The following PXDNL variants were observed in gnomAD, a reference collection of about 807,000 sequenced individuals.
PXDNL encodes the protein peroxidasin like, also known as probable oxidoreductase PXDNL.
PXDNL carries 145 observed loss-of-function variants against 150.8 expected under a neutral mutation model. The observed-to-expected ratio is 0.96, with a 90% confidence interval of 0.84 to 1.10. PXDNL has a LOEUF of 1.10. Among genes scored for constraint, PXDNL ranks in the 50% least tolerant of loss-of-function variants. PXDNL has a pLI of 0.00. For missense variants in PXDNL, 2,087 were observed against 1,873.9 expected, an observed-to-expected ratio of 1.11 and a Z score of -2.10; for synonymous variants, 757 against 725.7, an observed-to-expected ratio of 1.04 and a Z score of -0.69.
chr8:51,516,090 C>A (rs977161063), intron 4 of PXDNL, among the ~76,000 whole-genome samples: 2 of 152,026 alleles, frequency 1.3e-5, no homozygotes, highest in Non-Finnish European at 2.9e-5. Flanking sequence ...GGATTTTTTT[C>A]TGTGTTTCTG....
chr8:51,411,437 C>T, intron 15 of PXDNL, 30 bp from the exon 16 acceptor site: 1 of 1,540,902 alleles, frequency 6.5e-7, no homozygotes, highest in South Asian at 1.3e-5. Context: ...TGATTCTTTA[C>T]AAGGCAAAAC....
At chr8:51,699,313 T>C (rs955415540) in intron 1 of PXDNL, among the ~76,000 whole-genome samples, 7 of 152,186 alleles carry the variant, frequency 4.6e-5, no homozygotes, top group African/African-American at 1.7e-4. Flanking sequence ...ACTTTTATGT[T>C]ATAGAGATGG....
At chr8:51,737,821 G>A (rs1231623031) in intron 1 of PXDNL, among the ~76,000 whole-genome samples, 1 of 150,716 alleles carries the variant, frequency 6.6e-6, no homozygotes. Context: ...CATTGCTCCT[G>A]CTGGCATGCT....
chr8:51,396,169 C>T (rs1021603082), intron 17 of PXDNL, among the ~76,000 whole-genome samples: 1 of 152,092 alleles, frequency 6.6e-6, no homozygotes, highest in East Asian at 1.9e-4. Context: ...ATGGGCTAGA[C>T]GGGGAATGGG....
chr8:51,476,150 G>T (rs372261055), intron 6 of PXDNL, among the ~76,000 whole-genome samples: 16 of 152,282 alleles, frequency 1.1e-4, no homozygotes, highest in African/African-American at 3.6e-4. Flanking sequence ...GTTCCAGTTT[G>T]CTTTGTTTAT....
intron 4 of PXDNL, among the ~76,000 whole-genome samples, chr8:51,553,786 T>C (rs1283241627): frequency 7.2e-6 from 1 of 139,816 alleles, no homozygotes; most frequent in African/African-American, 3.0e-5. Context: ...ACACTGAAAA[T>C]ATAAATCTCG....
intron 8 of PXDNL, among the ~76,000 whole-genome samples, chr8:51,460,690 C>G (rs569724439): frequency 6.6e-6 from 1 of 151,776 alleles, no homozygotes; most frequent in Non-Finnish European, 1.5e-5. Flanking sequence ...ACCACACCCC[C>G]ACAATGGACC....
intron 2 of PXDNL, among the ~76,000 whole-genome samples, chr8:51,642,077 AC>A (rs1814771995): frequency 6.6e-6 from 1 of 152,040 alleles, no homozygotes; most frequent in Admixed American, 6.6e-5. Flanking sequence ...GAAATTGGAA[AC>A]CATCATTCTC....
intron 2 of PXDNL, among the ~76,000 whole-genome samples, chr8:51,644,406 A>ATATGTATATATATACATATGTGTG (rs764867335): frequency 4.3e-5 from 1 of 23,346 alleles, no homozygotes; most frequent in African/African-American, 7.6e-5. Context: ...ATATATACAC[A>ATATGTATATATATACATATGTGTG]TGTGTGTGTA....
At chr8:51,383,324 A>G (rs74467753) in intron 17 of PXDNL, among the ~76,000 whole-genome samples, 3,757 of 152,294 alleles carry the variant, frequency 0.025, 182 homozygotes, top group African/African-American at 0.084. Context: ...TTTCGCCCCC[A>G]AACCATTTGT....
intron 5 of PXDNL, among the ~76,000 whole-genome samples, chr8:51,492,568 C>T (rs1376678273): frequency 1.3e-5 from 2 of 152,192 alleles, no homozygotes; most frequent in Non-Finnish European, 2.9e-5. Context: ...CCTGGAAAAT[C>T]AGGCCACTCC....
At chr8:51,747,021 C>CAA (rs2036990955) in intron 1 of PXDNL, among the ~76,000 whole-genome samples, 1 of 152,038 alleles carries the variant, frequency 6.6e-6, no homozygotes, top group South Asian at 2.1e-4. Flanking sequence ...TGTGCCAAGC[C>CAA]AAATGTGCTG....
intron 1 of PXDNL, among the ~76,000 whole-genome samples, chr8:51,704,376 C>A (rs956624330): frequency 1.3e-5 from 2 of 152,166 alleles, no homozygotes. Flanking sequence ...ATAGTCTGTG[C>A]ATTCAACTAT....
chr8:51,765,238 C>T (rs775540398), intron 1 of PXDNL, among the ~76,000 whole-genome samples: 1 of 152,042 alleles, frequency 6.6e-6, no homozygotes, highest in Admixed American at 6.5e-5. Context: ...ACCATGGGGG[C>T]GGTTTCCCCC....
intron 19 of PXDNL, among the ~76,000 whole-genome samples, chr8:51,353,745 C>A (rs1309021200): frequency 6.6e-6 from 1 of 152,118 alleles, no homozygotes. Flanking sequence ...TATTCAGACA[C>A]AATTCTATTA....
rs745603391 is a variant in PXDNL at position 51,408,867 on chromosome 8, G to T, written c.2757C>A (p.Leu919=). 7 of 1,591,560 alleles carry T rather than the reference G, an allele frequency of 4.4e-6. No individual in the cohort carries two copies. The highest frequency in any genetic ancestry group is 1.3e-5 in the African/African-American group (1 of 74,134). Residue 919 remains leucine, a synonymous_variant, in exon 17 of 23, where the codon CTC becomes CTA. Coordinates refer to ENST00000356297, the MANE Select transcript of PXDNL (RefSeq NM_144651.5). ...GAGGCCAAGGAAAGCCTGTCTTCAGGAGACCCCGAGGCACCGAAGGGTCTC... is the reference window on the plus strand; with the variant it reads ...GAGGCCAAGGAAAGCCTGTCTTCAGTAGACCCCGAGGCACCGAAGGGTCTC... ...ALRDPSVPRG[L]LKTGFPWPPS...
At chr8:51,636,822 A>C (rs1390743548) in intron 2 of PXDNL, among the ~76,000 whole-genome samples, 1 of 151,796 alleles carries the variant, frequency 6.6e-6, no homozygotes, top group Non-Finnish European at 1.5e-5. Context: ...TTTCTGCAGA[A>C]GTAGAAAACC....
chr8:51,514,958 G>T (rs998403822), intron 4 of PXDNL, among the ~76,000 whole-genome samples: 2 of 152,176 alleles, frequency 1.3e-5, no homozygotes, highest in African/African-American at 4.8e-5. Context: ...AGAAACTTTG[G>T]TCTGAAGCAT....
chr8:51,499,890 T>C lies in PXDNL; in HGVS notation c.381-120A>G, dbSNP rs566252335. ...TTTCACTGGCCCCAACCACTATATA[T>C]CACATACAAAAATCAGAAACTCTGA... On this transcript the variant is annotated intron_variant, in intron 4 of 22. Transcript: ENST00000356297. 5 of 649,978 alleles carry C rather than the reference T, an allele frequency of 7.7e-6. No homozygotes were observed. In the South Asian group the frequency reaches 9.2e-5, roughly 12 times the overall value. The allele number at this position is 649,978 out of a possible 1,614,324, so 40.3% of individuals were successfully genotyped here.
Sources: gnomAD v4.1 joint callset for allele counts (sites outside exome capture counted in the v4.1 genomes callset) on GRCh38, gnomAD v4.1.1 for gene constraint, MANE v1.5 for transcripts, NCBI Gene and HGNC (gene_info 2026-07-23, HGNC 2026-07-21) for gene names.